Variants in MOG observed in about 807,000 individuals in gnomAD.
MOG encodes the protein myelin-oligodendrocyte glycoprotein.
MOG carries 20 observed loss-of-function variants against 35.9 expected under a neutral mutation model. The ratio of observed to expected loss-of-function variants is 0.56; its 90% confidence interval spans 0.39 to 0.81. The LOEUF (loss-of-function observed/expected upper bound fraction) is 0.81, where lower values mean the gene tolerates loss of function less well. Ranked by LOEUF, MOG falls within the 30% of genes least tolerant of loss-of-function variation. The probability of loss-of-function intolerance (pLI) is 0.00; values close to 1 mark genes in which losing one functional copy is unlikely to be tolerated. For missense variants in MOG, 251 were observed against 301.0 expected (o/e 0.83, Z 1.23); for synonymous variants, 92 against 114.3 (o/e 0.80, Z 1.25).
chr6:29,661,265 T>C (rs1562184794), intron 2 of MOG: 1 of 488,656 alleles, frequency 2.0e-6, no homozygotes, highest in East Asian at 1.5e-4. Context: ...GGAGTGACCA[T>C]TGCAGTGCTG....
intron 2 of MOG, among the ~76,000 whole-genome samples, chr6:29,665,199 C>T (rs1769931556): frequency 6.6e-6 from 1 of 151,476 alleles, no homozygotes; most frequent in African/African-American, 2.4e-5. Flanking sequence ...TGGGTTCAAG[C>T]GATTCTCCTG....
In MOG at chr6:29,662,241, T is replaced by C. The variant is rs1015001853; in HGVS notation, c.436+2575T>C. On this transcript the variant is annotated intron_variant, in intron 2 of 7. Transcript: ENST00000376917. The surrounding 1 kb of genome is among the most constrained non-coding windows in gnomAD (Gnocchi z 4.2). ...GCTCACGCCTGTAATCCCAGCACTTTGGGAGGCCGAAGCGGGCAGATCACC... is the reference window on the plus strand; with the variant it reads ...GCTCACGCCTGTAATCCCAGCACTTCGGGAGGCCGAAGCGGGCAGATCACC... 7.0e-5 allele frequency: 66 copies of C among 940,060 alleles called. No individual in the cohort carries two copies. Among genetic ancestry groups the C allele is most frequent in the Non-Finnish European group, 8.1e-5 (64 of 788,862 alleles). 58.2% of individuals were successfully genotyped at this position (940,060 alleles called of 1,614,324 possible).
chr6:29,671,758 GCTCCT>G lies in MOG; in HGVS notation c.*575_*579del, dbSNP rs1771507623. 1 of 450,524 alleles carries G rather than the reference GCTCCT, an allele frequency of 2.2e-6. No homozygotes were observed. The highest frequency in any genetic ancestry group is 3.9e-6 in the Non-Finnish European group (1 of 253,618). 27.9% of individuals were successfully genotyped at this position (450,524 alleles called of 1,614,324 possible). Reference sequence around the variant, plus strand: ...AGAAACCTACAGAATACTAGCCAGAGCTCCTCCTTGTCTTGGCAGCCTACTAGGGA... The same window carrying G: ...AGAAACCTACAGAATACTAGCCAGAGCCTTGTCTTGGCAGCCTACTAGGGA... On this transcript the variant is annotated 3_prime_UTR_variant, in exon 8 of 8. Transcript: ENST00000376917.
chr6:29,670,865 C>T lies in MOG; in HGVS notation c.730+144C>T, dbSNP rs754297674. On this transcript the variant is annotated intron_variant, in intron 7 of 7. Transcript: ENST00000376917. The surrounding 1 kb of genome is among the most constrained non-coding windows in gnomAD (Gnocchi z 4.2). ...GGAGAGCCTGGGTGGAGGGAAGACT[C>T]CTCCTGGGAGGTAGAGGGCAAAGAA... 4.4e-6 allele frequency: 7 copies of T among 1,580,508 alleles called. No homozygotes were observed. Among genetic ancestry groups the T allele is most frequent in the Non-Finnish European group, 6.0e-6 (7 of 1,162,944 alleles).
In MOG at chr6:29,657,176, C is replaced by G. The variant is rs1272970837; in HGVS notation, c.-34C>G. 2.0e-6 allele frequency: 3 copies of G among 1,527,794 alleles called. No individual in the cohort carries two copies. Among genetic ancestry groups the G allele is most frequent in the Admixed American group, 1.7e-5 (1 of 59,836 alleles). 94.6% of individuals were successfully genotyped at this position (1,527,794 alleles called of 1,614,324 possible). A position where few individuals can be genotyped will look rare whatever the true frequency, so the allele number is the denominator to read the frequency against. On this transcript the variant is annotated 5_prime_UTR_variant, in exon 1 of 8. Transcript: ENST00000376917. ...AGGGCCTCCACTTGGCCTGACCTTG[C>G]TGCGGGGGCTCTCTGTCCCCAGGAA...
intron 2 of MOG, chr6:29,663,832 C>T (rs1769492308): frequency 2.4e-6 from 1 of 415,270 alleles, no homozygotes; most frequent in Non-Finnish European, 3.2e-6. Flanking sequence ...GCATTTTCCC[C>T]TAGGGAACAC....
At position 29,670,151 on chromosome 6, in the gene MOG, G is replaced by A; in HGVS notation, c.593-130G>A. Reference sequence around the variant, plus strand: ...AGTACTTTTCTCATCCAAGTTCATGGACTTTCTGAATTTTGTCCCCAGAGT... The same window carrying A: ...AGTACTTTTCTCATCCAAGTTCATGAACTTTCTGAATTTTGTCCCCAGAGT... On this transcript the variant is annotated intron_variant, in intron 5 of 7. Transcript: ENST00000376917. The surrounding 1 kb of genome is among the most constrained non-coding windows in gnomAD (Gnocchi z 4.2). 6.7e-7 allele frequency: 1 copy of A among 1,489,102 alleles called. No individual in the cohort carries two copies. Among genetic ancestry groups the A allele is most frequent in the East Asian group, 2.3e-5 (1 of 44,310 alleles). The allele number at this position is 1,489,102 out of a possible 1,614,324, so 92.2% of individuals were successfully genotyped here. A position where few individuals can be genotyped will look rare whatever the true frequency, so the allele number is the denominator to read the frequency against.
intron 3 of MOG, among the ~76,000 whole-genome samples, 179 bp from the exon 4 acceptor site, chr6:29,667,464 T>C (rs1392721978): frequency 6.6e-6 from 1 of 152,118 alleles, no homozygotes; most frequent in Admixed American, 6.6e-5. Flanking sequence ...ATCTAGACTA[T>C]AGCTAGAGAA....
rs1400844614 is a variant in MOG at position 29,670,520 on chromosome 6, C to T, written c.709+123C>T. On this transcript the variant is annotated intron_variant, in intron 6 of 7. Transcript: ENST00000376917. This position sits in a 1 kb window ranked among gnomAD's most constrained non-coding sequence, Gnocchi z 4.2. The stretch of plus-strand genomic sequence containing the variant: ...TAGGGGAGCTGGGATTTCCTTATTC[C>T]TCTGTCCCCATGCCCAACCCCAGGC... The T allele has an allele frequency of 3.4e-6, 5 of 1,491,816 alleles. No homozygotes were observed. Among genetic ancestry groups the T allele is most frequent in the Admixed American group, 1.7e-5 (1 of 59,374 alleles). 92.4% of individuals were successfully genotyped at this position (1,491,816 alleles called of 1,614,324 possible).
intron 2 of MOG, among the ~76,000 whole-genome samples, chr6:29,661,171 TG>T (rs2127500413): frequency 6.6e-6 from 1 of 152,320 alleles, no homozygotes; most frequent in South Asian, 2.1e-4. Flanking sequence ...TTTGAGAGCC[TG>T]GGGGTCAGAT....
intron 2 of MOG, among the ~76,000 whole-genome samples, chr6:29,660,546 C>T (rs1227860482): frequency 8.4e-6 from 1 of 119,442 alleles, no homozygotes; most frequent in East Asian, 2.3e-4. Context: ...AAAAAAAAAA[C>T]CCTGTATTTG....
chr6:29,660,205 TA>T (rs1445127025), intron 2 of MOG, among the ~76,000 whole-genome samples: 5 of 150,952 alleles, frequency 3.3e-5, no homozygotes, highest in Admixed American at 2.6e-4. Flanking sequence ...TACCCGTCTC[TA>T]AAAAAAACAA....
chr6:29,667,610 C>T (rs1167241074), intron 3 of MOG, 33 bp from the exon 4 acceptor site: 1 of 1,613,734 alleles, frequency 6.2e-7, no homozygotes, highest in South Asian at 1.1e-5. Context: ...CCAGAACATG[C>T]AGGAACTAAA....
rs34825987 is a variant in MOG at position 29,663,266 on chromosome 6, C to CAA, written c.437-2869_437-2868dup. On this transcript the variant is annotated intron_variant, in intron 2 of 7. Coordinates refer to ENST00000376917, the MANE Select transcript of MOG (RefSeq NM_206809.4). Reference sequence around the variant, plus strand: ...CAGCCTGGGGCAACAGAGTGAGACTCAAAAAAAAAAAAAAAAAAGCCCCCC... The same window carrying CAA: ...CAGCCTGGGGCAACAGAGTGAGACTCAAAAAAAAAAAAAAAAAAAAGCCCCCC... 1.6e-3 allele frequency among the ~76,000 whole-genome samples: 96 copies of CAA among 61,314 alleles called. 1 individual carries two copies. Among genetic ancestry groups the CAA allele is most frequent in the Middle Eastern group, 8.9e-3 (1 of 112 alleles). 40.2% of individuals were successfully genotyped at this position (61,314 alleles called of 152,430 possible). A position where few individuals can be genotyped will look rare whatever the true frequency, so the allele number is the denominator to read the frequency against.
In MOG at chr6:29,670,963, C is replaced by T; in HGVS notation, c.731-209C>T. On this transcript the variant is annotated intron_variant, in intron 7 of 7. Coordinates refer to ENST00000376917, the MANE Select transcript of MOG (RefSeq NM_206809.4). This position sits in a 1 kb window ranked among gnomAD's most constrained non-coding sequence, Gnocchi z 4.2. Reference sequence around the variant, plus strand: ...CTCCTATCTGCCACCTGATCCATTCCTCCTTCACTGCCCCTAAGCAGGAAT... The same window carrying T: ...CTCCTATCTGCCACCTGATCCATTCTTCCTTCACTGCCCCTAAGCAGGAAT... 1 of 1,612,310 alleles carries T rather than the reference C, an allele frequency of 6.2e-7. No individual in the cohort carries two copies. The highest frequency in any genetic ancestry group is 1.1e-5 in the South Asian group (1 of 90,868).
intron 3 of MOG, 142 bp downstream of exon 3, chr6:29,666,407 A>T: frequency 1.6e-6 from 1 of 613,560 alleles, no homozygotes. Context: ...AAAAAAAATA[A>T]CTCCATGATG....
At chr6:29,659,815 G>C in intron 2 of MOG, 149 bp downstream of exon 2, 1 of 707,272 alleles carries the variant, frequency 1.4e-6, no homozygotes, top group East Asian at 2.7e-5. Context: ...AGAAACTCAT[G>C]CTTAGGGATG....
intron 2 of MOG, among the ~76,000 whole-genome samples, chr6:29,660,758 G>A (rs1482977532): frequency 4.3e-5 from 6 of 140,022 alleles, no homozygotes; most frequent in Admixed American, 1.5e-4. Context: ...ACAGAGTCTC[G>A]CTCTGTCACC....
rs762386732 is a variant in MOG, at chr6:29,669,304, C to CT, written c.593-974dup. The stretch of plus-strand genomic sequence containing the variant: ...CTGTAATTTCTTTCTTTCTTTCTTT[C>CT]TTTCTTTTTTTTTGAGATGAAGTTT... On this transcript the variant is annotated intron_variant, in intron 5 of 7. Transcript: ENST00000376917. 2.1e-3 allele frequency among the ~76,000 whole-genome samples: 310 copies of CT among 147,978 alleles called. 6 individuals are homozygous for CT. Among genetic ancestry groups the CT allele is most frequent in the Middle Eastern group, 0.014 (4 of 290 alleles).
Sources: gnomAD v4.1 joint callset for allele counts (sites outside exome capture counted in the v4.1 genomes callset) on GRCh38, gnomAD v4.1.1 for gene constraint, Gnocchi (gnomAD v3.1) non-coding constraint, MANE v1.5 for transcripts, NCBI Gene and HGNC (gene_info 2026-07-23, HGNC 2026-07-21) for gene names.